CECR2: variants seen among roughly 807,000 people sequenced by gnomAD.
The protein encoded by CECR2 is chromatin remodeling regulator CECR2.
A neutral mutation model predicts 154.5 loss-of-function variants in CECR2; 30 were observed. That is an observed-to-expected ratio of 0.19 (90% CI 0.15 to 0.26). CECR2 has a LOEUF of 0.26. CECR2 is among the 10% of genes least tolerant of loss of function. The pLI is 1.00. For synonymous variants in CECR2, 725 were observed against 683.7 expected, an observed-to-expected ratio of 1.06 and a Z score of -0.94; for missense variants, 1,743 against 1,829.3, an observed-to-expected ratio of 0.95 and a Z score of 0.86.
chr22:17,552,140 CA>C lies in CECR2; in HGVS notation c.4388del (p.Gln1463ArgfsTer8). ...TAAGCCTCCAACACTTCCCCTGGAT[CA>C]GGTAAGGATCACTAAAAATTAGAGC... Reference protein sequence around the residue: ...PHKPPTLPLDQS With the variant: ...PHKPPTLPLDXS On this transcript the variant is annotated frameshift_variant and splice_region_variant, in exon 18 of 19. Coordinates refer to ENST00000262608, the MANE Select transcript of CECR2 (RefSeq NM_001290047.2). LOFTEE classifies it high-confidence loss of function. 1 of 1,613,278 alleles carries C rather than the reference CA, an allele frequency of 6.2e-7. No individual in the cohort carries two copies. The highest frequency in any genetic ancestry group is 8.5e-7 in the Non-Finnish European group (1 of 1,179,274).
chr22:17,499,306 G>T (rs2055692556), intron 3 of CECR2, 104 bp from the exon 4 acceptor site: 15 of 1,400,792 alleles, frequency 1.1e-5, no homozygotes, highest in Middle Eastern at 2.3e-4. Context: ...GGCATTTTTA[G>T]ATTTGAGTTA....
rs1273032481 is a variant in CECR2 at position 17,557,085 on chromosome 22, C to T, written c.*4245C>T. The T allele has an allele frequency of 2.0e-5, 3 of 151,744 alleles. No individual in the cohort carries two copies. The highest frequency in any genetic ancestry group is 2.4e-5 in the African/African-American group (1 of 41,262). 9.4% of individuals were successfully genotyped at this position (151,744 alleles called of 1,614,324 possible). A position where few individuals can be genotyped will look rare whatever the true frequency, so the allele number is the denominator to read the frequency against. On this transcript the variant is annotated 3_prime_UTR_variant, in exon 19 of 19. Transcript: ENST00000262608. Reference sequence around the variant, plus strand: ...GCCATAGGACACCAAGCCTCACGCACTTTCCCCTTGGGACAGTAGTGTTTG... The same window carrying T: ...GCCATAGGACACCAAGCCTCACGCATTTTCCCCTTGGGACAGTAGTGTTTG...
chr22:17,543,556 C>T (rs1382635221), intron 16 of CECR2, among the ~76,000 whole-genome samples: 1 of 145,860 alleles, frequency 6.9e-6, no homozygotes, highest in African/African-American at 2.6e-5. Flanking sequence ...CCAGGCACTC[C>T]TCCTGAGACT....
rs574912926 is a variant in CECR2 at position 17,388,913 on chromosome 22, A to G, written c.126+19004A>G. Among the ~76,000 whole-genome samples the G allele has an allele frequency of 1.8e-4, 27 of 152,136 alleles. No individual in the cohort carries two copies. The South Asian group carries it at 2.1e-3, about 12-fold the overall frequency. ...ACTGCAGCCTCAGCCTCCGGGTTCAAGCAGTTCTCCTGCTTCAGCCTCTCG... is the reference window on the plus strand; with the variant it reads ...ACTGCAGCCTCAGCCTCCGGGTTCAGGCAGTTCTCCTGCTTCAGCCTCTCG... On this transcript the variant is annotated intron_variant, in intron 1 of 18. Transcript: ENST00000262608.
At chr22:17,410,769 A>G (rs1203225803) in intron 1 of CECR2, among the ~76,000 whole-genome samples, 1 of 152,190 alleles carries the variant, frequency 6.6e-6, no homozygotes, top group Non-Finnish European at 1.5e-5. Flanking sequence ...ATTGAATAGA[A>G]ATGTTTTTCC....
chr22:17,456,776 G>A (rs949751230), intron 1 of CECR2, among the ~76,000 whole-genome samples: 1 of 152,072 alleles, frequency 6.6e-6, no homozygotes, highest in African/African-American at 2.4e-5. Context: ...ATATGGAGAT[G>A]GACTAAAATA....
chr22:17,438,075 C>G (rs1190979529), intron 1 of CECR2, among the ~76,000 whole-genome samples: 1 of 152,052 alleles, frequency 6.6e-6, no homozygotes, highest in African/African-American at 2.4e-5. Context: ...AAGAATTGTA[C>G]ATTATATTTG....
chr22:17,471,526 G>GT (rs1010533154), intron 1 of CECR2, among the ~76,000 whole-genome samples: 1 of 151,856 alleles, frequency 6.6e-6, no homozygotes, highest in Admixed American at 6.6e-5. Flanking sequence ...TATTGTTGTT[G>GT]TTGTTTGTTT....
chr22:17,363,312 A>G (rs2062986347), intron 1 of CECR2, among the ~76,000 whole-genome samples: 1 of 151,672 alleles, frequency 6.6e-6, no homozygotes, highest in African/African-American at 2.4e-5. Context: ...GGGTTCAAGC[A>G]ATTCTGCCTC....
intron 1 of CECR2, among the ~76,000 whole-genome samples, chr22:17,388,770 T>C (rs548070960): frequency 5.2e-4 from 79 of 152,364 alleles, no homozygotes; most frequent in Non-Finnish European, 9.8e-4. Context: ...TTTTCCACTC[T>C]ACTGTAACTC....
At position 17,409,539 on chromosome 22, in the gene CECR2, A is replaced by G. The variant is rs963197571; in HGVS notation, c.126+39630A>G. ...AGCCACTGTGCCTGGCCTAATTTTA[A>G]GTAAGTTTTATAAAGAGAGTAACAC... On this transcript the variant is annotated intron_variant, in intron 1 of 18. Coordinates refer to ENST00000262608, the MANE Select transcript of CECR2 (RefSeq NM_001290047.2). Among the ~76,000 whole-genome samples, 63 of 110,822 alleles carry G rather than the reference A, an allele frequency of 5.7e-4. 15 individuals carry two copies. Among genetic ancestry groups the G allele is most frequent in the African/African-American group, 1.9e-3 (62 of 32,372 alleles). The allele number at this position is 110,822 out of a possible 152,430, so 72.7% of individuals were successfully genotyped here.
chr22:17,432,640 T>G (rs546435261), intron 1 of CECR2, among the ~76,000 whole-genome samples: 135 of 152,286 alleles, frequency 8.9e-4, no homozygotes, highest in African/African-American at 3.1e-3. Flanking sequence ...TGTTTTTTAT[T>G]TTTATTTTTT....
At chr22:17,481,738 G>T (rs958802417) in intron 2 of CECR2, among the ~76,000 whole-genome samples, 2 of 152,184 alleles carry the variant, frequency 1.3e-5, no homozygotes, top group Admixed American at 6.5e-5. Context: ...TATTGCCCTT[G>T]TAACATGCTT....
chr22:17,470,636 C>G (rs1465218979), intron 1 of CECR2, among the ~76,000 whole-genome samples: 2 of 152,010 alleles, frequency 1.3e-5, no homozygotes, highest in Non-Finnish European at 2.9e-5. Flanking sequence ...AGGATTAAAA[C>G]TTAACTAAAA....
At chr22:17,374,312 A>G (rs2063093601) in intron 1 of CECR2, among the ~76,000 whole-genome samples, 1 of 152,204 alleles carries the variant, frequency 6.6e-6, no homozygotes, top group African/African-American at 2.4e-5. Flanking sequence ...CAGATTCTTG[A>G]ATTCCACCCT....
chr22:17,378,818 A>G (rs5992678), intron 1 of CECR2, among the ~76,000 whole-genome samples: 9,670 of 152,180 alleles, frequency 0.064, 710 homozygotes, highest in African/African-American at 0.18. Flanking sequence ...TTTCCTTGTG[A>G]TGGGCATTTT....
At chr22:17,519,292 GTTT>G (rs80083383) in intron 8 of CECR2, among the ~76,000 whole-genome samples, 2 of 114,656 alleles carry the variant, frequency 1.7e-5, no homozygotes, top group Non-Finnish European at 2.0e-5. Context: ...GGTGTTTTGT[GTTT>G]TTTTTTTTTT....
intron 1 of CECR2, among the ~76,000 whole-genome samples, chr22:17,401,042 C>T (rs2053884213): frequency 6.6e-6 from 1 of 152,078 alleles, no homozygotes; most frequent in African/African-American, 2.4e-5. Context: ...GCTGGGATTA[C>T]AGGTGTGAGC....
At chr22:17,487,173 T>C (rs1042811679) in intron 2 of CECR2, among the ~76,000 whole-genome samples, 1 of 152,230 alleles carries the variant, frequency 6.6e-6, no homozygotes, top group Non-Finnish European at 1.5e-5. Flanking sequence ...TTTTCTTCTA[T>C]ATTCTCCCTG....
Sources: gnomAD v4.1 joint callset for allele counts (sites outside exome capture counted in the v4.1 genomes callset) on GRCh38, gnomAD v4.1.1 for gene constraint, MANE v1.5 for transcripts, NCBI Gene and HGNC (gene_info 2026-07-23, HGNC 2026-07-21) for gene names.